The following TMEM132E variants were observed in gnomAD, a reference collection of about 807,000 sequenced individuals.
TMEM132E encodes the protein transmembrane protein 132E.
In TMEM132E, 49 loss-of-function variants were observed where a neutral mutation model predicts 78.5. The observed-to-expected ratio is 0.62, with a 90% CI of 0.50 to 0.79. The LOEUF (loss-of-function observed/expected upper bound fraction) is 0.79, where lower values mean the gene tolerates loss of function less well. Ranked by LOEUF, TMEM132E falls within the 30% of genes least tolerant of loss-of-function variation. The probability of loss-of-function intolerance (pLI) is 0.00; values close to 1 mark genes in which losing one functional copy is unlikely to be tolerated. For synonymous variants in TMEM132E, 715 were observed against 670.6 expected, an observed-to-expected ratio of 1.07 and a Z score of -1.02; for missense variants, 1,403 against 1,470.9, an observed-to-expected ratio of 0.95 and a Z score of 0.75.
intron 1 of TMEM132E, among the ~76,000 whole-genome samples, chr17:34,594,973 G>A (rs1172652194): frequency 6.6e-6 from 1 of 152,224 alleles, no homozygotes; most frequent in African/African-American, 2.4e-5. Context: ...GCTGATATGA[G>A]ACAAGGATGC....
At chr17:34,605,840 C>T (rs4795950) in intron 1 of TMEM132E, among the ~76,000 whole-genome samples, 1 of 151,862 alleles carries the variant, frequency 6.6e-6, no homozygotes, top group Admixed American at 6.6e-5. Flanking sequence ...TTAGAACCGA[C>T]GCTACTTGAG....
intron 2 of TMEM132E, among the ~76,000 whole-genome samples, chr17:34,627,506 T>TGTGTGTGTGTG: frequency 3.6e-5 from 1 of 27,920 alleles, no homozygotes; most frequent in East Asian, 7.3e-4. Flanking sequence ...GTGTGTGTGT[T>TGTGTGTGTGTG]TTGGGACATT....
rs1322299614 is a variant in TMEM132E at position 34,627,082 on chromosome 17, C to A, written c.998+25C>A. The A allele has an allele frequency of 3.6e-6, 5 of 1,399,616 alleles. No individual in the cohort carries two copies. The African/African-American group carries it at 5.8e-5, about 16-fold the overall frequency. 86.7% of individuals were successfully genotyped at this position (1,399,616 alleles called of 1,614,324 possible). A position where few individuals can be genotyped will look rare whatever the true frequency, so the allele number is the denominator to read the frequency against. On this transcript the variant is annotated intron_variant, in intron 2 of 8. Coordinates refer to ENST00000631683, the MANE Select transcript of TMEM132E (RefSeq NM_001304438.2). Reference sequence around the variant, plus strand: ...GGTAGTAGGGAAGATGGGTGGGGATCTGGTTTCCCTTCCAAGATCAAATGC... The same window carrying A: ...GGTAGTAGGGAAGATGGGTGGGGATATGGTTTCCCTTCCAAGATCAAATGC...
At chr17:34,598,696 C>T (rs1026011021) in intron 1 of TMEM132E, among the ~76,000 whole-genome samples, 11 of 152,228 alleles carry the variant, frequency 7.2e-5, no homozygotes, top group African/African-American at 2.7e-4. Context: ...TGCTTCCTCT[C>T]TGATGTAATT....
intron 1 of TMEM132E, among the ~76,000 whole-genome samples, chr17:34,605,258 C>A (rs1026070238): frequency 6.6e-6 from 1 of 152,212 alleles, no homozygotes; most frequent in African/African-American, 2.4e-5. Context: ...AAGTGAGGCT[C>A]AGCCCAGCTT....
chr17:34,609,125 T>C (rs968901898), intron 1 of TMEM132E, among the ~76,000 whole-genome samples: 1 of 152,168 alleles, frequency 6.6e-6, no homozygotes, highest in Admixed American at 6.5e-5. Flanking sequence ...TGAATCACAT[T>C]AAGCAGATGT....
chr17:34,638,237 G>T lies in TMEM132E; in HGVS notation c.*5G>T. The T allele has an allele frequency of 1.3e-6, 2 of 1,536,426 alleles. No individual in the cohort carries two copies. The highest frequency in any genetic ancestry group is 2.0e-5 in the Admixed American group (1 of 51,192). On this transcript the variant is annotated 3_prime_UTR_variant, in exon 9 of 9. Transcript: ENST00000631683. ...AGAATCAAAGAGATTGCATAGAGGC[G>T]CCAGCCGGAGTAGCAGGGACCCCCC...
In TMEM132E at chr17:34,626,458, G is replaced by A. The variant is rs564430970; in HGVS notation, c.399G>A (p.Ser133=). ...AGGTGCGGGCCTTCATCGTCCGCTC[G>A]CACGTGCCCGCCTCGCAGCCCGTGG... ...NWKVRAFIVR[S]HVPASQPVVQ... Residue 133 remains serine, a synonymous_variant, in exon 2 of 9, where the codon TCG becomes TCA. Coordinates refer to ENST00000631683, the MANE Select transcript of TMEM132E (RefSeq NM_001304438.2). The A allele has an allele frequency of 1.9e-6, 3 of 1,612,866 alleles. No homozygotes were observed. Among genetic ancestry groups the A allele is most frequent in the Non-Finnish European group, 2.5e-6 (3 of 1,179,824 alleles).
In TMEM132E at chr17:34,626,881, C is replaced by A; in HGVS notation, c.822C>A (p.Ile274=). Residue 274 remains isoleucine, a synonymous_variant, in exon 2 of 9, where the codon ATC becomes ATA. Transcript: ENST00000631683. ...ACCCCCTGCTGCGCATCGGGAGCAT[C>A]AGCCTGTTCCGCCCGCCCCCCAGGA... ...TQHPLLRIGS[I]SLFRPPPRRT... The A allele has an allele frequency of 3.1e-6, 5 of 1,611,558 alleles. No individual in the cohort carries two copies. The highest frequency in any genetic ancestry group is 4.2e-6 in the Non-Finnish European group (5 of 1,179,850).
intron 1 of TMEM132E, among the ~76,000 whole-genome samples, chr17:34,582,658 G>A (rs1905535026): frequency 6.6e-6 from 1 of 152,126 alleles, no homozygotes; most frequent in African/African-American, 2.4e-5. Flanking sequence ...AAATCTCTAG[G>A]CTCTGTGTGC....
intron 1 of TMEM132E, among the ~76,000 whole-genome samples, chr17:34,613,699 GC>G (rs1187663514): frequency 6.6e-6 from 1 of 151,660 alleles, no homozygotes; most frequent in Non-Finnish European, 1.5e-5. Context: ...CTGCACCCTT[GC>G]CTTATTGCGG....
In TMEM132E at chr17:34,638,262, C is replaced by T. The variant is rs780024023; in HGVS notation, c.*30C>T. On this transcript the variant is annotated 3_prime_UTR_variant, in exon 9 of 9. Transcript: ENST00000631683. Reference sequence around the variant, plus strand: ...GCCAGCCGGAGTAGCAGGGACCCCCCCCCCCAACGGGGTCAGCTCGGGGTA... The same window carrying T: ...GCCAGCCGGAGTAGCAGGGACCCCCTCCCCCAACGGGGTCAGCTCGGGGTA... 23 of 1,473,510 alleles carry T rather than the reference C, an allele frequency of 1.6e-5. No homozygotes were observed. Among genetic ancestry groups the T allele is most frequent in the Non-Finnish European group, 2.0e-5 (22 of 1,113,430 alleles). The allele number at this position is 1,473,510 out of a possible 1,614,324, so 91.3% of individuals were successfully genotyped here. A position where few individuals can be genotyped will look rare whatever the true frequency, so the allele number is the denominator to read the frequency against.
intron 6 of TMEM132E, among the ~76,000 whole-genome samples, chr17:34,634,438 T>C (rs1015286119): frequency 6.6e-6 from 1 of 152,174 alleles, no homozygotes; most frequent in African/African-American, 2.4e-5. Context: ...TGGCATTCTG[T>C]AAGAAGGATC....
At chr17:34,621,794 TG>T (rs1349560468) in intron 1 of TMEM132E, among the ~76,000 whole-genome samples, 1 of 151,288 alleles carries the variant, frequency 6.6e-6, no homozygotes, top group Admixed American at 6.6e-5. Flanking sequence ...GCTGTGGAAG[TG>T]GGGGGCGGGC....
chr17:34,599,849 C>T (rs1280206330), intron 1 of TMEM132E, among the ~76,000 whole-genome samples: 1 of 152,050 alleles, frequency 6.6e-6, no homozygotes, highest in Non-Finnish European at 1.5e-5. Flanking sequence ...CCAGAATCAC[C>T]TTCTCAGCAC....
chr17:34,585,724 G>A (rs1310271748), intron 1 of TMEM132E, among the ~76,000 whole-genome samples: 1 of 152,158 alleles, frequency 6.6e-6, no homozygotes, highest in African/African-American at 2.4e-5. Context: ...GCCAGCCTCT[G>A]GTTGCAAGCA....
intron 1 of TMEM132E, among the ~76,000 whole-genome samples, chr17:34,620,787 G>A (rs1013196846): frequency 3.5e-4 from 53 of 152,360 alleles, no homozygotes; most frequent in South Asian, 2.1e-4. Flanking sequence ...AGGTATCAGC[G>A]AAGGCTTCAA....
At chr17:34,631,666 G>A (rs945175493) in intron 5 of TMEM132E, among the ~76,000 whole-genome samples, 2 of 152,182 alleles carry the variant, frequency 1.3e-5, no homozygotes, top group East Asian at 1.9e-4. Context: ...GATGATGGGA[G>A]CTGGCAGCGT....
chr17:34,586,268 A>T (rs1905674204), intron 1 of TMEM132E, among the ~76,000 whole-genome samples: 1 of 148,696 alleles, frequency 6.7e-6, no homozygotes, highest in African/African-American at 2.6e-5. Context: ...TTAATAAGAG[A>T]TTAATGAACC....
Sources: gnomAD v4.1 joint callset for allele counts (sites outside exome capture counted in the v4.1 genomes callset) on GRCh38, gnomAD v4.1.1 for gene constraint, MANE v1.5 for transcripts, NCBI Gene and HGNC (gene_info 2026-07-23, HGNC 2026-07-21) for gene names.